ERO1A: variants seen among roughly 807,000 people sequenced by gnomAD.
ERO1A encodes the protein endoplasmic reticulum oxidoreductase 1 alpha, also known as ERO1-like protein alpha.
A neutral mutation model predicts 76.9 loss-of-function variants in ERO1A; 49 were observed. That is an observed-to-expected ratio of 0.64 (90% confidence interval 0.51 to 0.81). The LOEUF is 0.81. Ranked by LOEUF, ERO1A falls within the 30% of genes least tolerant of loss-of-function variation. ERO1A has a pLI of 0.00. For missense variants in ERO1A, 448 were observed against 542.1 expected (o/e 0.83, Z 1.72); for synonymous variants, 174 against 181.2 (o/e 0.96, Z 0.32).
chr14:52,662,177 A>G (rs942372740), intron 8 of ERO1A, among the ~76,000 whole-genome samples: 3 of 152,174 alleles, frequency 2.0e-5, no homozygotes, highest in Admixed American at 1.3e-4. Context: ...AATGATAAAC[A>G]TTTAAATTGT....
chr14:52,671,622 T>C lies in ERO1A; in HGVS notation c.508+8A>G, dbSNP rs1250382778. The C allele has an allele frequency of 1.3e-6, 2 of 1,590,012 alleles. No homozygotes were observed. The highest frequency in any genetic ancestry group is 1.3e-5 in the African/African-American group (1 of 74,320). On this transcript the variant is annotated splice_region_variant and intron_variant, in intron 6 of 15. Coordinates refer to ENST00000395686, the MANE Select transcript of ERO1A (RefSeq NM_014584.3). ...TAAACACAATGCATACTATCAAAAA[T>C]ATTATACCATCAGCTTCACAGAAGT...
chr14:52,653,245 A>T lies in ERO1A; in HGVS notation c.879T>A (p.Thr293=), dbSNP rs748725771. Residue 293 remains threonine (T), a synonymous_variant, in exon 12 of 16, where the codon ACT becomes ACA. Transcript: ENST00000395686. ...EFQQRFDGIL[T]EGEGPRRLKN... ...TAAGCCTTCTTGGACCTTCTCCTTC[A>T]GTCAAAATTCCATCAAATCGCTGTT... The T allele has an allele frequency of 6.2e-7, 1 of 1,612,486 alleles. No homozygotes were observed. Among genetic ancestry groups the T allele is most frequent in the African/African-American group, 1.3e-5 (1 of 74,902 alleles).
chr14:52,681,435 C>T (rs1243937997), intron 3 of ERO1A, among the ~76,000 whole-genome samples: 2 of 151,898 alleles, frequency 1.3e-5, no homozygotes, highest in African/African-American at 4.8e-5. Context: ...GAAACCCCAT[C>T]TCCACTAAAA....
At chr14:52,663,911 G>C (rs2040316587) in intron 7 of ERO1A, 64 bp from the exon 8 acceptor site, 2 of 961,208 alleles carry the variant, frequency 2.1e-6, no homozygotes. Context: ...ATATTTAAGT[G>C]ATATTATCTC....
intron 15 of ERO1A, among the ~76,000 whole-genome samples, chr14:52,644,862 G>T (rs140248625): frequency 1.6e-3 from 240 of 152,082 alleles, no homozygotes; most frequent in African/African-American, 5.3e-3. Context: ...TAACTATCTA[G>T]CCCTTGGATG....
rs577935729 is a variant in ERO1A, at chr14:52,652,265, C to T, written c.1099G>A (p.Asp367Asn). ...HFDENSFFAG[D>N]KKEAHKLKED... ...TTTAGTTTGTGTGCTTCTTTTTTAT[C>T]CCCAGCAAAAAATGAATTCTCATCA... The change falls in exon 13 of 16, where the codon GAT becomes AAT. Residue 367 changes from aspartate (D) to asparagine (N), a missense_variant. Transcript: ENST00000395686. The T allele has an allele frequency of 9.3e-6, 15 of 1,609,376 alleles. No homozygotes were observed. In the African/African-American group the frequency reaches 1.5e-4, roughly 16 times the overall value.
chr14:52,656,732 A>C (rs1377847414), intron 11 of ERO1A, among the ~76,000 whole-genome samples: 1 of 144,876 alleles, frequency 6.9e-6, no homozygotes, highest in African/African-American at 2.5e-5. Flanking sequence ...AAAAAAAAAC[A>C]GTAAAATTAC....
intron 9 of ERO1A, among the ~76,000 whole-genome samples, chr14:52,660,773 A>G (rs542846394): frequency 6.6e-6 from 1 of 152,356 alleles, no homozygotes. Context: ...TGGTCTTAAG[A>G]ATAACAAATG....
At chr14:52,652,937 G>T in intron 12 of ERO1A, 132 bp downstream of exon 12, 1 of 611,780 alleles carries the variant, frequency 1.6e-6, no homozygotes, top group South Asian at 2.2e-5. Flanking sequence ...CAAGGCTGCA[G>T]TGAGCCATGA....
chr14:52,666,248 T>G, intron 7 of ERO1A, 127 bp downstream of exon 7: 1 of 718,128 alleles, frequency 1.4e-6, no homozygotes, highest in South Asian at 2.0e-5. Context: ...AATAGTCATG[T>G]TTCCTTGTAC....
intron 4 of ERO1A, chr14:52,672,201 G>T (rs1379979545): frequency 5.6e-6 from 1 of 177,232 alleles, no homozygotes; most frequent in East Asian, 1.7e-4. Context: ...AGCTACTCGG[G>T]AGGCTGAGGC....
intron 11 of ERO1A, among the ~76,000 whole-genome samples, chr14:52,654,309 T>C (rs769703534): frequency 6.6e-6 from 1 of 152,184 alleles, no homozygotes; most frequent in Non-Finnish European, 1.5e-5. Context: ...AATATAGTAG[T>C]GCACACAAAA....
chr14:52,682,634 T>C (rs1566646163), intron 2 of ERO1A, among the ~76,000 whole-genome samples: 1 of 152,066 alleles, frequency 6.6e-6, no homozygotes, highest in Non-Finnish European at 1.5e-5. Context: ...CACAGTGGCT[T>C]ATGCCTGTAA....
intron 8 of ERO1A, among the ~76,000 whole-genome samples, chr14:52,661,807 T>C (rs1269507343): frequency 1.3e-5 from 2 of 152,130 alleles, no homozygotes; most frequent in Admixed American, 1.3e-4. Context: ...ATACAGTAAT[T>C]TGTGTGCAGC....
chr14:52,665,296 C>CA (rs34009141), intron 7 of ERO1A, among the ~76,000 whole-genome samples: 46,541 of 89,962 alleles, frequency 0.52, 10,503 homozygotes, highest in Middle Eastern at 0.62. Context: ...GACTTCATCT[C>CA]AAAAAAAAAA....
In ERO1A at chr14:52,671,262, T is replaced by C. The variant is rs568834728; in HGVS notation, c.508+368A>G. Among the ~76,000 whole-genome samples, 123 of 152,348 alleles carry C rather than the reference T, an allele frequency of 8.1e-4. 1 individual carries two copies. The South Asian group carries it at 0.025, about 31-fold the overall frequency. ...ATTCAAACAGTACTGGACAATTGGG[T>C]TGTTACCACCTTTTGGCTATAATGA... On this transcript the variant is annotated intron_variant, in intron 6 of 15. Coordinates refer to ENST00000395686, the MANE Select transcript of ERO1A (RefSeq NM_014584.3).
intron 4 of ERO1A, among the ~76,000 whole-genome samples, chr14:52,677,214 A>T (rs1194743266): frequency 2.0e-5 from 3 of 152,230 alleles, no homozygotes; most frequent in Non-Finnish European, 4.4e-5. Context: ...AAAACTTTTC[A>T]GTGAAAAGCT....
intron 12 of ERO1A, 91 bp from the exon 13 acceptor site, chr14:52,652,399 A>G: frequency 1.2e-6 from 1 of 845,530 alleles, no homozygotes; most frequent in South Asian, 1.6e-5. Flanking sequence ...TGATAAATAA[A>G]GAGGAGAAAA....
At chr14:52,688,158 C>T (rs913514581) in intron 1 of ERO1A, among the ~76,000 whole-genome samples, 1 of 151,802 alleles carries the variant, frequency 6.6e-6, no homozygotes, top group Non-Finnish European at 1.5e-5. Context: ...TGTACTCCAG[C>T]CTAAATGACA....
Sources: gnomAD v4.1 joint callset for allele counts (sites outside exome capture counted in the v4.1 genomes callset) on GRCh38, gnomAD v4.1.1 for gene constraint, MANE v1.5 for transcripts, NCBI Gene and HGNC (gene_info 2026-07-23, HGNC 2026-07-21) for gene names.